Variants in DST observed in about 807,000 individuals in gnomAD.
DST encodes the protein dystonin.
A neutral mutation model predicts 875.2 loss-of-function variants in DST; 253 were observed. The ratio of observed to expected loss-of-function variants is 0.29; its 90% CI spans 0.26 to 0.32. The LOEUF is 0.32. DST is among the 10% of genes least tolerant of loss of function. DST has a pLI of 1.00. For missense variants in DST, 8,287 were observed against 9,111.6 expected (o/e 0.91, Z 3.68); for synonymous variants, 3,124 against 3,197.1 (o/e 0.98, Z 0.77).
chr6:56,809,812 T>G (rs964874973), intron 4 of DST, among the ~76,000 whole-genome samples: 1 of 152,216 alleles, frequency 6.6e-6, no homozygotes, highest in Non-Finnish European at 1.5e-5. Context: ...GGTATAACTT[T>G]TAAATAAACT....
chr6:56,621,658 G>A (rs975936602), intron 36 of DST, among the ~76,000 whole-genome samples: 1 of 152,120 alleles, frequency 6.6e-6, no homozygotes, highest in Non-Finnish European at 1.5e-5. Context: ...CAGCTGGGAG[G>A]AGTATGCTTT....
intron 49 of DST, among the ~76,000 whole-genome samples, chr6:56,581,179 G>C (rs1252925505): frequency 1.3e-5 from 2 of 151,846 alleles, no homozygotes; most frequent in African/African-American, 4.8e-5. Context: ...ACTGGAAATG[G>C]AAGAGAGTTG....
At chr6:56,636,423 T>C (rs1466345117) in intron 23 of DST, 134 bp downstream of exon 23, 7 of 694,568 alleles carry the variant, frequency 1.0e-5, no homozygotes, top group Non-Finnish European at 1.5e-5. Flanking sequence ...CACACATATA[T>C]GTGTATATAT....
At chr6:56,906,625 C>A (rs574564105) in intron 2 of DST, among the ~76,000 whole-genome samples, 1 of 152,258 alleles carries the variant, frequency 6.6e-6, no homozygotes, top group East Asian at 1.9e-4. Flanking sequence ...AAATCAGATA[C>A]CACCTCCTCA....
intron 4 of DST, among the ~76,000 whole-genome samples, chr6:56,784,027 T>G (rs1483466126): frequency 1.3e-5 from 2 of 152,182 alleles, no homozygotes; most frequent in Admixed American, 1.3e-4. Context: ...GAAAATTCTT[T>G]TCTTTAAGAA....
Position 56,714,426 on chromosome 6 carries a change from G to A in DST, c.688-10057C>T, listed in dbSNP as rs772490493. On this transcript the variant is annotated intron_variant, in intron 5 of 103. Coordinates refer to ENST00000680361, the MANE Select transcript of DST (RefSeq NM_001374736.1). The surrounding 1 kb of genome is among the most constrained non-coding windows in gnomAD (Gnocchi z 4.5). ...CAACAGAGATCTCCGGACCACAGAT[G>A]CTTAAAAACTAGTTTTCCCAGTTGT... Among the ~76,000 whole-genome samples, 6 of 152,206 alleles carry A rather than the reference G, an allele frequency of 3.9e-5. No homozygotes were observed. Among genetic ancestry groups the A allele is most frequent in the African/African-American group, 7.2e-5 (3 of 41,450 alleles).
chr6:56,825,060 C>G (rs966717570), intron 4 of DST, among the ~76,000 whole-genome samples: 11 of 151,886 alleles, frequency 7.2e-5, no homozygotes, highest in Admixed American at 5.9e-4. Context: ...ATAGAAAGGG[C>G]GGAAAGGTGG....
chr6:56,782,877 C>A (rs919679129), intron 4 of DST, among the ~76,000 whole-genome samples: 1 of 152,074 alleles, frequency 6.6e-6, no homozygotes, highest in African/African-American at 2.4e-5. Context: ...ATAAATTTCC[C>A]TCTACACACT....
chr6:56,703,955 C>T (rs1588915298), intron 6 of DST, among the ~76,000 whole-genome samples: 1 of 150,844 alleles, frequency 6.6e-6, no homozygotes, highest in South Asian at 2.1e-4. Context: ...ATTTGTAAGT[C>T]TTTTAATATG....
chr6:56,628,454 T>TA (rs1175401696), intron 32 of DST, among the ~76,000 whole-genome samples: 1 of 152,178 alleles, frequency 6.6e-6, no homozygotes, highest in Non-Finnish European at 1.5e-5. Flanking sequence ...AGCTTAACCT[T>TA]AATTATTATC....
intron 4 of DST, among the ~76,000 whole-genome samples, chr6:56,802,909 G>A (rs2099748908): frequency 6.6e-6 from 1 of 152,032 alleles, no homozygotes; most frequent in African/African-American, 2.4e-5. Context: ...TCGAGAAAAG[G>A]GAAATCATTA....
At chr6:56,659,250 A>G (rs941840630) in intron 10 of DST, among the ~76,000 whole-genome samples, 17 of 152,366 alleles carry the variant, frequency 1.1e-4, no homozygotes, top group Non-Finnish European at 1.8e-4. Context: ...GAACCCAGTT[A>G]TATGACAATG....
intron 5 of DST, among the ~76,000 whole-genome samples, chr6:56,712,070 G>T (rs1482863799): frequency 8.6e-6 from 1 of 116,828 alleles, no homozygotes; most frequent in East Asian, 2.0e-4. Flanking sequence ...CAGCCTGGGC[G>T]ACAGAGCGAG....
intron 36 of DST, chr6:56,619,402 AT>A: frequency 6.2e-7 from 1 of 1,613,364 alleles, no homozygotes; most frequent in East Asian, 2.2e-5. Context: ...CAGCTTTGAT[AT>A]TTTGAAGCAA....
At chr6:56,536,971 T>C (rs778044256) in intron 61 of DST, 31 bp from the exon 62 acceptor site, 1 of 1,593,422 alleles carries the variant, frequency 6.3e-7, no homozygotes, top group Non-Finnish European at 8.6e-7. Flanking sequence ...ATTATATGAG[T>C]TATATTACCT....
intron 68 of DST, 131 bp downstream of exon 68, chr6:56,527,362 A>G (rs1266853132): frequency 8.7e-7 from 1 of 1,152,918 alleles, no homozygotes; most frequent in Admixed American, 2.9e-5. Context: ...GCCAATTTCT[A>G]TTGGGTCTCC....
chr6:56,704,356 A>T lies in DST; in HGVS notation c.701T>A (p.Val234Glu). 6.4e-7 allele frequency: 1 copy of T among 1,562,240 alleles called. No homozygotes were observed. Among genetic ancestry groups the T allele is most frequent in the Non-Finnish European group, 8.7e-7 (1 of 1,151,924 alleles). The change falls in exon 6 of 104, where the codon GTG becomes GAG. Residue 234 changes from valine to glutamate, a missense_variant. By Grantham distance (121) the Val-to-Glu change is moderately radical (BLOSUM62 -2). Transcript: ENST00000680361. ...CCTTAAGTCTTCATAGAGATCATTC[A>T]CATGTTTTCGAACCTATAAAGAGAA... ...NQHLMKVRKHVNDLYEDLRDG... is the reference protein window; with the variant it reads ...NQHLMKVRKHENDLYEDLRDG...
At chr6:56,609,396 G>A (rs940016683) in intron 39 of DST, 52 bp from the exon 40 acceptor site, 56 of 1,297,652 alleles carry the variant, frequency 4.3e-5, no homozygotes, top group African/African-American at 2.5e-4. Context: ...AAGGGTGGGC[G>A]GAGTTTCATG....
At position 56,554,594 on chromosome 6, in the gene DST, C is replaced by T. The variant is rs552477892; in HGVS notation, c.15136+751G>A. 4.3e-4 allele frequency among the ~76,000 whole-genome samples: 66 copies of T among 152,176 alleles called. 1 individual carries two copies. The Middle Eastern group carries it at 0.014, about 31-fold the overall frequency. ...ACATGTAAAGCTTTTAGTTTAATACCTATCACATAACTGTTCATACCATTA... is the reference window on the plus strand; with the variant it reads ...ACATGTAAAGCTTTTAGTTTAATACTTATCACATAACTGTTCATACCATTA... On this transcript the variant is annotated intron_variant, in intron 60 of 103. Transcript: ENST00000680361.
Sources: gnomAD v4.1 joint callset for allele counts (sites outside exome capture counted in the v4.1 genomes callset) on GRCh38, gnomAD v4.1.1 for gene constraint, Gnocchi (gnomAD v3.1) non-coding constraint, MANE v1.5 for transcripts, NCBI Gene and HGNC (gene_info 2026-07-23, HGNC 2026-07-21) for gene names.